PARP16: variants seen among roughly 807,000 people sequenced by gnomAD.
PARP16 encodes poly(ADP-ribose) polymerase family member 16.
PARP16 carries 31 observed loss-of-function variants against 35.0 expected under a neutral mutation model. That is an observed-to-expected ratio of 0.88 (90% CI 0.66 to 1.19). The LOEUF (loss-of-function observed/expected upper bound fraction) is 1.19. Ranked by LOEUF, PARP16 falls within the 50% of genes most tolerant of loss-of-function variation. The pLI, the probability that PARP16 is intolerant of heterozygous loss-of-function variation, is 0.00. For synonymous variants in PARP16, 162 were observed against 169.5 expected (o/e 0.96, Z 0.34); for missense variants, 424 against 411.2 (o/e 1.03, Z -0.27).
exon 4 of PARP16, chr15:65,234,595 T>A (rs778304623): frequency 1.3e-5 from 2 of 152,260 alleles, no homozygotes; most frequent in Non-Finnish European, 2.9e-5. Context: ...CATAGTTCTC[T>A]CATGATTCTG....
chr15:65,263,336 C>T lies in PARP16; in HGVS notation c.520-16G>A. The T allele has an allele frequency of 3.9e-6, 6 of 1,552,194 alleles. No homozygotes were observed. Among genetic ancestry groups the T allele is most frequent in the Non-Finnish European group, 5.2e-6 (6 of 1,148,896 alleles). ...ACAAGGATGTCTGCAACAGCAAGGCCAATGGAAAAGAAACACAGATGGTTG... is the reference window on the plus strand; with the variant it reads ...ACAAGGATGTCTGCAACAGCAAGGCTAATGGAAAAGAAACACAGATGGTTG... On this transcript the variant is annotated splice_polypyrimidine_tract_variant and intron_variant, in intron 3 of 5. Coordinates refer to ENST00000649807, the MANE Select transcript of PARP16 (RefSeq NM_001316943.2).
intron 3 of PARP16, among the ~76,000 whole-genome samples, chr15:65,238,901 G>A (rs2088961866): frequency 6.6e-6 from 1 of 152,020 alleles, no homozygotes; most frequent in Non-Finnish European, 1.5e-5. Context: ...GGCAGAGGCA[G>A]GAGCACTGCT....
At chr15:65,232,567 C>G (rs1446448258), downstream of PARP16, among the ~76,000 whole-genome samples, 3 of 152,118 alleles carry the variant, frequency 2.0e-5, no homozygotes, top group East Asian at 5.8e-4. Flanking sequence ...CACTCACTCC[C>G]ATGAGACCAT....
At chr15:65,271,444 T>A (rs2090091862) in intron 1 of PARP16, among the ~76,000 whole-genome samples, 1 of 152,042 alleles carries the variant, frequency 6.6e-6, no homozygotes, top group African/African-American at 2.4e-5. Flanking sequence ...TGGCTACTTT[T>A]CATATTTTTT....
downstream of PARP16, among the ~76,000 whole-genome samples, chr15:65,232,719 A>G (rs1034907308): frequency 3.9e-5 from 6 of 152,150 alleles, no homozygotes; most frequent in African/African-American, 1.4e-4. Flanking sequence ...CCTGGACAAC[A>G]TAGCAAGACC....
At chr15:65,264,806 C>T (rs1247281290) in intron 3 of PARP16, among the ~76,000 whole-genome samples, 1 of 152,158 alleles carries the variant, frequency 6.6e-6, no homozygotes, top group Non-Finnish European at 1.5e-5. Flanking sequence ...GATGGACTCC[C>T]TCAAGCAAGC....
chr15:65,263,033 G>T, intron 4 of PARP16, 116 bp downstream of exon 4: 1 of 951,256 alleles, frequency 1.1e-6, no homozygotes, highest in Non-Finnish European at 1.6e-6. Flanking sequence ...GCACTGCCCT[G>T]GATCCAGCCC....
chr15:65,277,280 C>T (rs1323964155), intron 1 of PARP16, among the ~76,000 whole-genome samples: 3 of 152,176 alleles, frequency 2.0e-5, no homozygotes, highest in Admixed American at 6.5e-5. Flanking sequence ...CCACCTACAA[C>T]CTCTGTACTC....
chr15:65,234,501 T>TG (rs1451132928), exon 4 of PARP16: 1 of 152,232 alleles, frequency 6.6e-6, no homozygotes, highest in Non-Finnish European at 1.5e-5. Flanking sequence ...ATTCGGTGTT[T>TG]ATTGGCTCCT....
chr15:65,256,123 A>G (rs530336691), downstream of PARP16, among the ~76,000 whole-genome samples: 34 of 152,242 alleles, frequency 2.2e-4, no homozygotes, highest in African/African-American at 7.7e-4. Flanking sequence ...GGCTTCCATG[A>G]CACTTGGCTA....
intron 3 of PARP16, among the ~76,000 whole-genome samples, chr15:65,244,315 T>C (rs142974449): frequency 0.014 from 2,200 of 152,276 alleles, 17 homozygotes; most frequent in Middle Eastern, 0.02. Context: ...ATGCTGCTAA[T>C]AAAGACATAC....
chr15:65,286,537 C>T lies in PARP16; in HGVS notation c.-111G>A, dbSNP rs955805185. The T allele has an allele frequency of 1.2e-6, 1 of 810,522 alleles. No homozygotes were observed. Among genetic ancestry groups the T allele is most frequent in the Non-Finnish European group, 1.8e-6 (1 of 555,522 alleles). 50.2% of individuals were successfully genotyped at this position (810,522 alleles called of 1,614,324 possible). On this transcript the variant is annotated 5_prime_UTR_variant, in exon 1 of 6. Transcript: ENST00000649807. Reference sequence around the variant, plus strand: ...ACAATGGGCCGTCAGGGGCCGGGTTCCCAAGCCTGGGGTGGAGCTAGGCAG... The same window carrying T: ...ACAATGGGCCGTCAGGGGCCGGGTTTCCAAGCCTGGGGTGGAGCTAGGCAG...
At chr15:65,251,510 C>T (rs2089356971) in intron 2 of PARP16, among the ~76,000 whole-genome samples, 1 of 152,224 alleles carries the variant, frequency 6.6e-6, no homozygotes. Flanking sequence ...GCTCTGCTTT[C>T]CACTGTGTTG....
intron 1 of PARP16, among the ~76,000 whole-genome samples, chr15:65,273,297 A>AAAAAAAAAAAAAAAAAAAAAAC (rs1175396149): frequency 6.7e-6 from 1 of 149,798 alleles, no homozygotes; most frequent in Non-Finnish European, 1.5e-5. Flanking sequence ...AAAAAAAAGA[A>AAAAAAAAAAAAAAAAAAAAAAC]TACCTGTGGT....
At chr15:65,262,914 G>A (rs577834622) in intron 4 of PARP16, among the ~76,000 whole-genome samples, 11 of 152,210 alleles carry the variant, frequency 7.2e-5, no homozygotes, top group African/African-American at 2.4e-4. Flanking sequence ...TGTGGGCCTC[G>A]TCAGCCTCCT....
intron 1 of PARP16, among the ~76,000 whole-genome samples, chr15:65,280,432 G>A (rs188132257): frequency 9.2e-4 from 116 of 125,622 alleles, no homozygotes; most frequent in African/African-American, 3.7e-3. Flanking sequence ...GCAAGAACTC[G>A]TCTCAAAAAA....
chr15:65,275,470 C>G (rs1046229578), intron 1 of PARP16, among the ~76,000 whole-genome samples: 1 of 152,000 alleles, frequency 6.6e-6, no homozygotes, highest in Admixed American at 6.5e-5. Flanking sequence ...CATAGGGTCC[C>G]GGTGGAGATT....
chr15:65,275,238 AGAG>A (rs2090216643), intron 1 of PARP16, among the ~76,000 whole-genome samples: 1 of 152,214 alleles, frequency 6.6e-6, no homozygotes, highest in Non-Finnish European at 1.5e-5. Context: ...CCAGCTTCAC[AGAG>A]GAGGTACTGT....
chr15:65,273,211 G>A (rs537618666), intron 1 of PARP16, among the ~76,000 whole-genome samples: 32 of 145,524 alleles, frequency 2.2e-4, no homozygotes, highest in Non-Finnish European at 4.2e-4. Context: ...CCAGGAGGCG[G>A]AGGTTGCAGT....
Sources: allele counts gnomAD v4.1 joint callset (sites outside exome capture counted in the v4.1 genomes callset), GRCh38; gene constraint gnomAD v4.1.1; transcripts MANE v1.5; gene names NCBI Gene and HGNC (gene_info 2026-07-23, HGNC 2026-07-21).